The following JKAMP variants were observed in gnomAD, a reference collection of about 807,000 sequenced individuals.
The protein encoded by JKAMP is JNK1/MAPK8 associated membrane protein.
In JKAMP, 20 loss-of-function variants were observed where a neutral mutation model predicts 40.2. The ratio of observed to expected loss-of-function variants is 0.50; its 90% CI spans 0.35 to 0.72. JKAMP has a LOEUF of 0.72. Among genes scored for constraint, JKAMP ranks in the 30% least tolerant of loss-of-function variants. The pLI is 0.01. For missense variants in JKAMP, 276 were observed against 373.0 expected (o/e 0.74, Z 2.14); for synonymous variants, 138 against 131.6 (o/e 1.05, Z -0.33).
chr14:59,496,914 A>G (rs1594945429), intron 4 of JKAMP, among the ~76,000 whole-genome samples: 2 of 151,912 alleles, frequency 1.3e-5, no homozygotes, highest in East Asian at 1.9e-4. Context: ...TTATTTATTT[A>G]CCTAAGCATT....
At chr14:59,495,764 C>T (rs1891395545) in intron 4 of JKAMP, among the ~76,000 whole-genome samples, 1 of 152,132 alleles carries the variant, frequency 6.6e-6, no homozygotes, top group Admixed American at 6.5e-5. Context: ...AGCAGGCTTT[C>T]AGTACATAAT....
chr14:59,497,724 C>G (rs1321863760), intron 4 of JKAMP, among the ~76,000 whole-genome samples: 1 of 151,888 alleles, frequency 6.6e-6, no homozygotes, highest in Non-Finnish European at 1.5e-5. Context: ...TATAACAAGA[C>G]AAAAAAATTA....
At chr14:59,500,733 CAGAGG>C (rs1891817473) in intron 5 of JKAMP, 1 of 152,596 alleles carries the variant, frequency 6.6e-6, no homozygotes, top group African/African-American at 2.4e-5. Context: ...TTCTAGAATG[CAGAGG>C]AGAGAAGTTA....
At chr14:59,491,642 A>G (rs1891014854) in intron 3 of JKAMP, among the ~76,000 whole-genome samples, 1 of 152,260 alleles carries the variant, frequency 6.6e-6, no homozygotes, top group Admixed American at 6.5e-5. Flanking sequence ...ACCCACCTGC[A>G]TGAAATAACT....
rs1195069722 is a variant in JKAMP, at chr14:59,486,824, C to T, written c.96+20C>T. ...TGTGGGGTAAGTCTTATGTTTGTAT[C>T]TTATTTCATTTTGTAAAATCTATTT... On this transcript the variant is annotated intron_variant, in intron 2 of 6. Coordinates refer to ENST00000616435, the MANE Select transcript of JKAMP (RefSeq NM_016475.5). 1 of 1,401,458 alleles carries T rather than the reference C, an allele frequency of 7.1e-7. No homozygotes were observed. Among genetic ancestry groups the T allele is most frequent in the South Asian group, 1.3e-5 (1 of 78,292 alleles). The allele number at this position is 1,401,458 out of a possible 1,614,324, so 86.8% of individuals were successfully genotyped here. A position where few individuals can be genotyped will look rare whatever the true frequency, so the allele number is the denominator to read the frequency against.
chr14:59,489,744 A>G (rs932405301), intron 3 of JKAMP, among the ~76,000 whole-genome samples: 2 of 152,190 alleles, frequency 1.3e-5, no homozygotes, highest in Non-Finnish European at 2.9e-5. Context: ...CAGGCTGTAC[A>G]TGAAGCATAG....
Position 59,499,905 on chromosome 14 carries a change from C to T in JKAMP, c.640+997C>T, listed in dbSNP as rs865913113. Among the ~76,000 whole-genome samples, 12 of 152,312 alleles carry T rather than the reference C, an allele frequency of 7.9e-5. No individual in the cohort carries two copies. In the Middle Eastern group the frequency reaches 0.014, roughly 173 times the overall value. ...GATTTGGCCCATTCCCTTATACCTT[C>T]CTGGCTACCCTCTCTGTCTTTTGAG... On this transcript the variant is annotated intron_variant, in intron 5 of 6. Transcript: ENST00000616435.
At chr14:59,484,615 G>A (rs1347458070) in intron 1 of JKAMP, 22 bp downstream of exon 1, 9 of 1,578,172 alleles carry the variant, frequency 5.7e-6, no homozygotes, top group South Asian at 2.3e-5. Flanking sequence ...CCAAGATCCC[G>A]GGAAGCGTTT....
intron 2 of JKAMP, chr14:59,487,208 A>T (rs1420304091): frequency 1.9e-5 from 3 of 155,544 alleles, no homozygotes; most frequent in African/African-American, 7.2e-5. Context: ...GTCTCAAAAA[A>T]AAAATAAAAT....
In JKAMP at chr14:59,498,709, C is replaced by T. The variant is rs753365242; in HGVS notation, c.459-18C>T. ...TAAAACATTTTTGATGTTACAAATT[C>T]TTTATTTTATTTTACAGATATACCA... On this transcript the variant is annotated intron_variant, in intron 4 of 6. Transcript: ENST00000616435. 7.8e-7 allele frequency: 1 copy of T among 1,287,904 alleles called. No homozygotes were observed. Among genetic ancestry groups the T allele is most frequent in the East Asian group, 2.5e-5 (1 of 39,604 alleles). 79.8% of individuals were successfully genotyped at this position (1,287,904 alleles called of 1,614,324 possible).
chr14:59,492,318 A>G (rs547661399), intron 3 of JKAMP, among the ~76,000 whole-genome samples: 1 of 152,374 alleles, frequency 6.6e-6, no homozygotes, highest in African/African-American at 2.4e-5. Flanking sequence ...AAAAAAATGC[A>G]TAGAAATAAT....
intron 4 of JKAMP, 103 bp downstream of exon 4, chr14:59,495,327 T>G: frequency 1.2e-6 from 1 of 814,344 alleles, no homozygotes; most frequent in South Asian, 1.7e-5. Context: ...TGGGTTTGAG[T>G]TCTGGGTCTG....
intron 5 of JKAMP, chr14:59,500,782 A>C (rs1891820251): frequency 1.3e-5 from 2 of 154,048 alleles, no homozygotes; most frequent in Non-Finnish European, 2.9e-5. Flanking sequence ...TTAATAAGGC[A>C]AGGTTCTTCA....
intron 3 of JKAMP, among the ~76,000 whole-genome samples, chr14:59,493,367 T>C (rs1291441183): frequency 6.6e-6 from 1 of 152,234 alleles, no homozygotes; most frequent in Non-Finnish European, 1.5e-5. Context: ...TTTTAAATGC[T>C]GCAGCATGGT....
intron 4 of JKAMP, 30 bp downstream of exon 4, chr14:59,495,254 G>A: frequency 1.8e-6 from 1 of 546,156 alleles, no homozygotes; most frequent in Non-Finnish European, 2.5e-6. Flanking sequence ...TAAGATCATT[G>A]TTTTTTTTTA....
At chr14:59,485,117 G>GT in intron 1 of JKAMP, 1 of 1,598,398 alleles carries the variant, frequency 6.3e-7, no homozygotes, top group Non-Finnish European at 8.5e-7. Flanking sequence ...GTTTTGCTTA[G>GT]TAAGTGATAG....
At chr14:59,485,573 C>G (rs1890486958) in intron 1 of JKAMP, 1 of 154,134 alleles carries the variant, frequency 6.5e-6, no homozygotes, top group Non-Finnish European at 1.4e-5. Flanking sequence ...AATGATTGTT[C>G]AAGAATAGTC....
At position 59,495,084 on chromosome 14, in the gene JKAMP, A is replaced by T; in HGVS notation, c.318A>T (p.Leu106Phe). 1.9e-6 allele frequency: 3 copies of T among 1,613,592 alleles called. No individual in the cohort carries two copies. The highest frequency in any genetic ancestry group is 2.5e-6 in the Non-Finnish European group (3 of 1,179,618). Reference protein sequence around the residue: ...FECSMAAIITLLVSDPVGVLY... With the variant: ...FECSMAAIITFLVSDPVGVLY... ...GCAGCATGGCAGCTATTATCACCTT[A>T]CTTGTGAGTGATCCAGTTGGTGTTC... Residue 106 changes from leucine (L) to phenylalanine (F), a missense_variant, in exon 4 of 7, where the codon TTA becomes TTT. By Grantham distance (22) the Leu-to-Phe change is conservative (BLOSUM62 0). Coordinates refer to ENST00000616435, the MANE Select transcript of JKAMP (RefSeq NM_016475.5).
At chr14:59,502,565 T>C (rs181272030) in intron 6 of JKAMP, among the ~76,000 whole-genome samples, 72 of 152,252 alleles carry the variant, frequency 4.7e-4, no homozygotes, top group Non-Finnish European at 8.1e-4. Context: ...ACAGAATATT[T>C]TTATAGTGAT....
Sources: gnomAD v4.1 joint callset for allele counts (sites outside exome capture counted in the v4.1 genomes callset) on GRCh38, gnomAD v4.1.1 for gene constraint, MANE v1.5 for transcripts, NCBI Gene and HGNC (gene_info 2026-07-23, HGNC 2026-07-21) for gene names.